Variants in CCDC150 observed in about 807,000 individuals in gnomAD.
The protein encoded by CCDC150 is coiled-coil domain containing 150.
A neutral mutation model predicts 156.5 loss-of-function variants in CCDC150; 151 were observed. That is an observed-to-expected ratio of 0.97 (90% confidence interval 0.85 to 1.10). The LOEUF is 1.10. CCDC150 is among the 50% of genes least tolerant of loss of function. The pLI is 0.00. For synonymous variants in CCDC150, 452 were observed against 429.4 expected, an observed-to-expected ratio of 1.05 and a Z score of -0.65; for missense variants, 1,312 against 1,268.1, an observed-to-expected ratio of 1.03 and a Z score of -0.53.
intron 13 of CCDC150, among the ~76,000 whole-genome samples, chr2:196,678,748 C>CA (rs1247262068): frequency 4.0e-5 from 6 of 151,894 alleles, no homozygotes; most frequent in East Asian, 1.9e-4. Flanking sequence ...ACTAAAAATA[C>CA]AAAAAAAATT....
intron 7 of CCDC150, among the ~76,000 whole-genome samples, chr2:196,668,997 G>T (rs546639784): frequency 8.5e-5 from 13 of 152,278 alleles, no homozygotes; most frequent in African/African-American, 3.1e-4. Context: ...AGACTGATAT[G>T]AATTTTTCTG....
chr2:196,662,775 GA>G (rs1375698172), intron 5 of CCDC150, among the ~76,000 whole-genome samples: 2 of 151,770 alleles, frequency 1.3e-5, no homozygotes, highest in Non-Finnish European at 2.9e-5. Context: ...GAAAAAAAAA[GA>G]AAAAAGAAAA....
intron 15 of CCDC150, among the ~76,000 whole-genome samples, chr2:196,706,664 C>T (rs546307488): frequency 1.3e-5 from 2 of 152,274 alleles, no homozygotes; most frequent in South Asian, 2.1e-4. Context: ...ATAAATAGCT[C>T]TTATTATTTT....
Position 196,718,536 on chromosome 2 carries a change from C to T in CCDC150, c.1900C>T (p.Leu634=). The T allele has an allele frequency of 6.2e-7, 1 of 1,612,570 alleles. No homozygotes were observed. Among genetic ancestry groups the T allele is most frequent in the Non-Finnish European group, 8.5e-7 (1 of 1,179,074 alleles). ...TATTCTTGAAAGAAGTAAAGAGGAG[C>T]TGTCCCGAACAGTGAAGTGTCGTAA... ...KSILERSKEE[L]SRTVKCRNAA... is the part of the protein sequence containing the mutation. The change falls in exon 18 of 28, where the codon CTG becomes TTG. Residue 634 remains leucine, a synonymous_variant. Transcript: ENST00000389175.
In CCDC150 at chr2:196,695,174, A is replaced by C. The variant is rs369026861; in HGVS notation, c.1623+15A>C. On this transcript the variant is annotated intron_variant, in intron 14 of 27. Coordinates refer to ENST00000389175, the MANE Select transcript of CCDC150 (RefSeq NM_001080539.2). ...ATTACCATGGGGTGGGTATAAAAAG[A>C]TCAGTCTAAATAGCAATTAATGACT... 61 of 1,369,464 alleles carry C rather than the reference A, an allele frequency of 4.5e-5. No individual in the cohort carries two copies. The highest frequency in any genetic ancestry group is 1.1e-5 in the Non-Finnish European group (11 of 961,488). The allele number at this position is 1,369,464 out of a possible 1,614,324, so 84.8% of individuals were successfully genotyped here. A position where few individuals can be genotyped will look rare whatever the true frequency, so the allele number is the denominator to read the frequency against.
intron 17 of CCDC150, among the ~76,000 whole-genome samples, chr2:196,715,167 A>G (rs1318970739): frequency 6.6e-6 from 1 of 152,142 alleles, no homozygotes; most frequent in African/African-American, 2.4e-5. Context: ...TCCTACTGAT[A>G]TACTGGCTTG....
chr2:196,656,284 C>T (rs1172187189), intron 2 of CCDC150, among the ~76,000 whole-genome samples: 1 of 152,058 alleles, frequency 6.6e-6, no homozygotes, highest in African/African-American at 2.4e-5. Flanking sequence ...TTGGGGATAC[C>T]TTCTTAATTG....
chr2:196,703,869 T>TG (rs1335485566), intron 15 of CCDC150, among the ~76,000 whole-genome samples: 1 of 152,222 alleles, frequency 6.6e-6, no homozygotes, highest in Non-Finnish European at 1.5e-5. Context: ...TGTTTGCTGT[T>TG]CATATTCCTA....
Position 196,676,622 on chromosome 2 carries a change from T to C in CCDC150, c.1331T>C (p.Val444Ala), listed in dbSNP as rs1694520510. The change falls in exon 12 of 28, where the codon GTG becomes GCG. Residue 444 changes from valine to alanine, a missense_variant. Physicochemically the swap from Val to Ala is moderately conservative, Grantham distance 64. Transcript: ENST00000389175. ...KAQDAEKRTA[V>A]QKELLESTIA... ...CAGGATGCTGAAAAGAGAACAGCTG[T>C]GCAAAAAGAGCTGCTAGAATCAACT... The C allele has an allele frequency of 3.1e-6, 5 of 1,613,570 alleles. No homozygotes were observed. The highest frequency in any genetic ancestry group is 4.2e-6 in the Non-Finnish European group (5 of 1,179,698).
intron 15 of CCDC150, among the ~76,000 whole-genome samples, chr2:196,701,768 G>A (rs1278538440): frequency 6.6e-6 from 1 of 152,166 alleles, no homozygotes. Flanking sequence ...ACTTTGAAAT[G>A]CAGCATAGAA....
At chr2:196,661,461 T>C (rs1208655673) in intron 5 of CCDC150, among the ~76,000 whole-genome samples, 1 of 152,200 alleles carries the variant, frequency 6.6e-6, no homozygotes, top group African/African-American at 2.4e-5. Context: ...AAATCTCTTC[T>C]AATCAGGATA....
Position 196,697,053 on chromosome 2 carries a change from A to G in CCDC150, c.1623+1894A>G, listed in dbSNP as rs374415811. On this transcript the variant is annotated intron_variant, in intron 14 of 27. Transcript: ENST00000389175. The stretch of plus-strand genomic sequence containing the variant: ...ACATCCATATCAGAATAATTACTAC[A>G]TTGATTAGAAATTGGCCTGTTTATG... Among the ~76,000 whole-genome samples the G allele has an allele frequency of 2.6e-4, 40 of 152,300 alleles. No individual in the cohort carries two copies. The East Asian group carries it at 3.1e-3, about 12-fold the overall frequency.
At position 196,721,627 on chromosome 2, in the gene CCDC150, C is replaced by T. The variant is rs774976687; in HGVS notation, c.2365C>T (p.Leu789=). 8 of 1,604,794 alleles carry T rather than the reference C, an allele frequency of 5.0e-6. No homozygotes were observed. Among genetic ancestry groups the T allele is most frequent in the Non-Finnish European group, 6.8e-6 (8 of 1,175,998 alleles). ...GACAAATAATCATCTGCAAACAAAG[C>T]TAGATCACATTCAAGAGCAATTGGA... is the stretch of plus-strand genomic sequence containing the variant. ...LQTNNHLQTK[L]DHIQEQLESK... Residue 789 remains leucine (L), a synonymous_variant, in exon 21 of 28, where the codon CTA becomes TTA. Transcript: ENST00000389175.
At chr2:196,643,037 C>A (rs2125562402) in intron 1 of CCDC150, among the ~76,000 whole-genome samples, 1 of 152,332 alleles carries the variant, frequency 6.6e-6, no homozygotes, top group Non-Finnish European at 1.5e-5. Context: ...AGCCACTGTG[C>A]CTGGCCATGA....
chr2:196,676,443 T>C, intron 11 of CCDC150, 111 bp from the exon 12 acceptor site: 1 of 1,302,596 alleles, frequency 7.7e-7, no homozygotes, highest in South Asian at 1.5e-5. Context: ...TTAGAACATT[T>C]TGGTAACTAC....
intron 2 of CCDC150, among the ~76,000 whole-genome samples, chr2:196,654,257 G>C (rs190944990): frequency 1.3e-4 from 20 of 152,098 alleles, no homozygotes; most frequent in Non-Finnish European, 2.2e-4. Flanking sequence ...TGTCCTTTGG[G>C]TTTCTTGGAT....
chr2:196,713,533 A>G (rs909044660), intron 17 of CCDC150: 10 of 1,550,448 alleles, frequency 6.4e-6, no homozygotes, highest in Non-Finnish European at 8.7e-6. Flanking sequence ...CTATGAAAAC[A>G]TCTCAGGATA....
At chr2:196,681,517 A>G (rs916132911) in intron 13 of CCDC150, among the ~76,000 whole-genome samples, 2 of 152,152 alleles carry the variant, frequency 1.3e-5, no homozygotes, top group African/African-American at 4.8e-5. Flanking sequence ...TCTGGGTCAC[A>G]TGGTAATTTT....
chr2:196,690,705 T>C (rs1695409028), intron 13 of CCDC150, among the ~76,000 whole-genome samples: 1 of 152,206 alleles, frequency 6.6e-6, no homozygotes, highest in African/African-American at 2.4e-5. Context: ...TTTCTTTCTC[T>C]TTCCTGATTG....
Sources: allele counts gnomAD v4.1 joint callset (sites outside exome capture counted in the v4.1 genomes callset), GRCh38; gene constraint gnomAD v4.1.1; transcripts MANE v1.5; gene names NCBI Gene and HGNC (gene_info 2026-07-23, HGNC 2026-07-21).